The following ARMC9 variants were observed in gnomAD, a reference collection of about 807,000 sequenced individuals.
ARMC9 encodes the protein lisH domain-containing protein ARMC9.
In ARMC9, 94 loss-of-function variants were observed where a neutral mutation model predicts 107.0. The observed-to-expected ratio is 0.88, with a 90% CI of 0.74 to 1.04. The LOEUF (loss-of-function observed/expected upper bound fraction) is 1.04, where lower values mean the gene tolerates loss of function less well. ARMC9 is among the 50% of genes least tolerant of loss of function. ARMC9 has a pLI of 0.00. For synonymous variants in ARMC9, 380 were observed against 396.9 expected (o/e 0.96, Z 0.51); for missense variants, 942 against 1,030.1 (o/e 0.91, Z 1.17).
rs1284553911 is a variant in ARMC9 at position 231,216,668 on chromosome 2, T to C, written c.379T>C (p.Tyr127His). The C allele has an allele frequency of 8.1e-6, 13 of 1,613,710 alleles. No homozygotes were observed. Among genetic ancestry groups the C allele is most frequent in the Non-Finnish European group, 1.1e-5 (13 of 1,179,866 alleles). ...DKEELDEKIS[Y>H]FKTYLETKGA... Reference sequence around the variant, plus strand: ...AGAGGAGCTGGATGAAAAGATTTCCTACTTCAAAACCTACCTGGAGACCAA... The same window carrying C: ...AGAGGAGCTGGATGAAAAGATTTCCCACTTCAAAACCTACCTGGAGACCAA... Residue 127 changes from tyrosine (Y) to histidine (H), a missense_variant, in exon 5 of 25, where the codon TAC becomes CAC. By Grantham distance (83) the Tyr-to-His change is moderately conservative. Coordinates refer to ENST00000611582, the MANE Select transcript of ARMC9 (RefSeq NM_001352754.2).
At chr2:231,232,513 A>G (rs1161696390) in intron 7 of ARMC9, among the ~76,000 whole-genome samples, 3 of 147,896 alleles carry the variant, frequency 2.0e-5, no homozygotes, top group Non-Finnish European at 4.5e-5. Context: ...GTACAATGGC[A>G]TGATCTCAGC....
intron 19 of ARMC9, among the ~76,000 whole-genome samples, chr2:231,301,499 A>AT (rs934394099): frequency 6.7e-5 from 10 of 150,338 alleles, no homozygotes; most frequent in East Asian, 3.9e-4. Flanking sequence ...CTGTTACTCT[A>AT]TTTTTTTTTA....
intron 20 of ARMC9, among the ~76,000 whole-genome samples, chr2:231,335,533 G>T (rs992783670): frequency 2.0e-5 from 3 of 152,214 alleles, no homozygotes; most frequent in African/African-American, 7.2e-5. Context: ...CACAGGCTAT[G>T]CAAAATGCTG....
intron 16 of ARMC9, among the ~76,000 whole-genome samples, chr2:231,280,464 A>T (rs534226134): frequency 1.3e-5 from 2 of 152,078 alleles, no homozygotes; most frequent in Non-Finnish European, 2.9e-5. Flanking sequence ...TCTCAAAAAA[A>T]TAAATAAATA....
intron 14 of ARMC9, among the ~76,000 whole-genome samples, chr2:231,275,194 G>A (rs1345176720): frequency 1.3e-5 from 2 of 152,226 alleles, no homozygotes; most frequent in Non-Finnish European, 2.9e-5. Context: ...AGAGAGCGCA[G>A]TCTTCACTGT....
At chr2:231,276,607 T>G in intron 14 of ARMC9, 29 bp from the exon 15 acceptor site, 1 of 1,613,698 alleles carries the variant, frequency 6.2e-7, no homozygotes, top group Non-Finnish European at 8.5e-7. Flanking sequence ...CTTGGCAGTT[T>G]GTATTTACCG....
chr2:231,353,009 C>T (rs1443805412), intron 21 of ARMC9, among the ~76,000 whole-genome samples: 2 of 110,558 alleles, frequency 1.8e-5, no homozygotes, highest in Non-Finnish European at 3.2e-5. Flanking sequence ...TTAAATTTAA[C>T]TCCTCTTGTC....
At chr2:231,321,627 C>T (rs1332824342) in intron 19 of ARMC9, among the ~76,000 whole-genome samples, 1 of 152,152 alleles carries the variant, frequency 6.6e-6, no homozygotes, top group East Asian at 1.9e-4. Flanking sequence ...TTCACTTGCT[C>T]CAGGTTGGGG....
intron 18 of ARMC9, among the ~76,000 whole-genome samples, chr2:231,293,105 C>G (rs1333019995): frequency 6.6e-6 from 1 of 152,192 alleles, no homozygotes; most frequent in Non-Finnish European, 1.5e-5. Flanking sequence ...CCTTTTTAGG[C>G]TGGGTGCCCA....
intron 23 of ARMC9, among the ~76,000 whole-genome samples, chr2:231,367,892 AGAACTT>A (rs1168704157): frequency 6.6e-6 from 1 of 151,804 alleles, no homozygotes; most frequent in East Asian, 1.9e-4. Flanking sequence ...CTGAGTCACG[AGAACTT>A]GAACCCAGGA....
In ARMC9 at chr2:231,246,825, T is replaced by TTTTTG. The variant is rs370161426; in HGVS notation, c.879+6789_879+6793dup. Among the ~76,000 whole-genome samples, 859 of 152,288 alleles carry TTTTTG rather than the reference T, an allele frequency of 5.6e-3. 7 individuals carry two copies. The highest frequency in any genetic ancestry group is 0.019 in the African/African-American group (808 of 41,560). ...ACGAACACATACAGAGCTTTTTTTG[T>TTTTTG]TTTTGTTTTTGAGACAAGGCCTTGC... is the stretch of plus-strand genomic sequence containing the variant. On this transcript the variant is annotated intron_variant, in intron 9 of 24. Coordinates refer to ENST00000611582, the MANE Select transcript of ARMC9 (RefSeq NM_001352754.2).
At chr2:231,219,828 A>G (rs1427774747) in intron 5 of ARMC9, among the ~76,000 whole-genome samples, 1 of 151,774 alleles carries the variant, frequency 6.6e-6, no homozygotes, top group Non-Finnish European at 1.5e-5. Flanking sequence ...AAAATTTACC[A>G]TTTTGACTTT....
chr2:231,304,240 C>A (rs1187491236), intron 19 of ARMC9, among the ~76,000 whole-genome samples: 1 of 152,060 alleles, frequency 6.6e-6, no homozygotes, highest in Non-Finnish European at 1.5e-5. Flanking sequence ...TAATAATAAT[C>A]ATTATTATTA....
intron 10 of ARMC9, among the ~76,000 whole-genome samples, chr2:231,258,317 G>T (rs1293927389): frequency 6.6e-6 from 1 of 152,120 alleles, no homozygotes; most frequent in African/African-American, 2.4e-5. Context: ...GAGTAGCTGG[G>T]ACTACAGGCG....
chr2:231,353,607 G>T (rs1301278748), intron 21 of ARMC9, among the ~76,000 whole-genome samples: 1 of 150,916 alleles, frequency 6.6e-6, no homozygotes. Context: ...CCCGCAAACA[G>T]CCAAGCCAGA....
intron 19 of ARMC9, among the ~76,000 whole-genome samples, chr2:231,318,617 G>A (rs138550335): frequency 9.3e-4 from 141 of 152,246 alleles, no homozygotes; most frequent in African/African-American, 3.1e-3. Flanking sequence ...CGATGGGAAC[G>A]CCTCCAGGCA....
At chr2:231,308,859 T>C (rs569358837) in intron 19 of ARMC9, among the ~76,000 whole-genome samples, 52 of 152,370 alleles carry the variant, frequency 3.4e-4, no homozygotes, top group African/African-American at 1.2e-3. Context: ...AGCCAGAGGC[T>C]AGCTGCTCTC....
intron 19 of ARMC9, among the ~76,000 whole-genome samples, chr2:231,318,190 A>G (rs910916370): frequency 1.2e-4 from 18 of 152,024 alleles, no homozygotes; most frequent in Admixed American, 1.1e-3. Flanking sequence ...CCTGCTCTTA[A>G]ACTGAGAAAT....
rs533581154 is a variant in ARMC9, at chr2:231,357,779, T to C, written c.2131+1845T>C. On this transcript the variant is annotated intron_variant, in intron 22 of 24. Transcript: ENST00000611582. Reference sequence around the variant, plus strand: ...TGTAAAGACGAAGTTTGCTGTTGCCTAGGCTGGTCTTGAACTCCTAGTCTC... The same window carrying C: ...TGTAAAGACGAAGTTTGCTGTTGCCCAGGCTGGTCTTGAACTCCTAGTCTC... Among the ~76,000 whole-genome samples, 25 of 152,228 alleles carry C rather than the reference T, an allele frequency of 1.6e-4. 1 individual carries two copies. The South Asian group carries it at 4.6e-3, about 28-fold the overall frequency.
Sources: gnomAD v4.1 joint callset for allele counts (sites outside exome capture counted in the v4.1 genomes callset) on GRCh38, gnomAD v4.1.1 for gene constraint, MANE v1.5 for transcripts, NCBI Gene and HGNC (gene_info 2026-07-23, HGNC 2026-07-21) for gene names.